The following HP1BP3 variants were observed in gnomAD, a reference collection of about 807,000 sequenced individuals.
The protein encoded by HP1BP3 is heterochromatin protein 1 binding protein 3.
A neutral mutation model predicts 62.5 loss-of-function variants in HP1BP3; 12 were observed. The observed-to-expected ratio is 0.19, with a 90% CI of 0.12 to 0.31. The LOEUF is 0.31. Among genes scored for constraint, HP1BP3 ranks in the 10% least tolerant of loss-of-function variants. The probability of loss-of-function intolerance (pLI) is 1.00; values close to 1 mark genes in which losing one functional copy is unlikely to be tolerated. For synonymous variants in HP1BP3, 260 were observed against 237.8 expected, an observed-to-expected ratio of 1.09 and a Z score of -0.86; for missense variants, 502 against 651.8, an observed-to-expected ratio of 0.77 and a Z score of 2.50.
In HP1BP3 at chr1:20,773,672, A is replaced by G. The variant is rs1570651739; in HGVS notation, c.351-62T>C. 8.6e-6 allele frequency: 10 copies of G among 1,164,016 alleles called. No homozygotes were observed. The East Asian group carries it at 2.2e-4, about 26-fold the overall frequency. The allele number at this position is 1,164,016 out of a possible 1,614,324, so 72.1% of individuals were successfully genotyped here. A position where few individuals can be genotyped will look rare whatever the true frequency, so the allele number is the denominator to read the frequency against. On this transcript the variant is annotated intron_variant, in intron 4 of 12. Transcript: ENST00000438032. ...TCTCTAGAAAGACGTATAAAGTCAG[A>G]AGGAGGAAAAGACCAGGGAGGGATA...
chr1:20,764,405 G>A (rs1021085589), intron 8 of HP1BP3, among the ~76,000 whole-genome samples: 13 of 151,382 alleles, frequency 8.6e-5, no homozygotes, highest in South Asian at 8.4e-4. Flanking sequence ...GTGCAATGGC[G>A]CAATCTCGGC....
At position 20,740,783 on chromosome 1, in the gene HP1BP3, G is replaced by A. The variant is rs760201726; in HGVS notation, c.*4014C>T. 2.0e-5 allele frequency among the ~76,000 whole-genome samples: 3 copies of A among 152,180 alleles called. No homozygotes were observed. Among genetic ancestry groups the A allele is most frequent in the South Asian group, 2.1e-4 (1 of 4,826 alleles). On this transcript the variant is annotated 3_prime_UTR_variant, in exon 13 of 13. Transcript: ENST00000438032. ...CAGTGAGCCAAGATCACACCACTGCGCTGCAGCCTTAGTGACACAGCAAAC... is the reference window on the plus strand; with the variant it reads ...CAGTGAGCCAAGATCACACCACTGCACTGCAGCCTTAGTGACACAGCAAAC...
intron 1 of HP1BP3, among the ~76,000 whole-genome samples, chr1:20,785,802 G>A (rs2057794818): frequency 6.6e-6 from 1 of 152,168 alleles, no homozygotes; most frequent in African/African-American, 2.4e-5. Flanking sequence ...CTTCTATTTT[G>A]AAACAAATTA....
intron 4 of HP1BP3, chr1:20,775,702 G>T: frequency 3.1e-6 from 1 of 324,382 alleles, no homozygotes; most frequent in Non-Finnish European, 5.5e-6. Context: ...CCTTTTCTAT[G>T]TTTAAATACA....
chr1:20,753,141 C>T (rs957217023), intron 9 of HP1BP3, among the ~76,000 whole-genome samples: 1 of 152,160 alleles, frequency 6.6e-6, no homozygotes, highest in South Asian at 2.1e-4. Context: ...TTGGGTTTCA[C>T]CATGTTAGCC....
intron 6 of HP1BP3, among the ~76,000 whole-genome samples, chr1:20,769,187 A>G (rs935978648): frequency 1.3e-5 from 2 of 152,144 alleles, no homozygotes; most frequent in Non-Finnish European, 2.9e-5. Context: ...CTCATAGCTC[A>G]ACTCAAGCGA....
chr1:20,778,654 G>A (rs2057405866), intron 3 of HP1BP3, among the ~76,000 whole-genome samples: 1 of 141,744 alleles, frequency 7.1e-6, no homozygotes. Context: ...CTTAGGCCAG[G>A]GTGCCCAAAT....
Position 20,743,825 on chromosome 1 carries a change from T to A in HP1BP3, c.*972A>T, listed in dbSNP as rs1004880822. The A allele has an allele frequency of 6.6e-6, 1 of 152,046 alleles. No individual in the cohort carries two copies. The highest frequency in any genetic ancestry group is 1.5e-5 in the Non-Finnish European group (1 of 68,090). The allele number at this position is 152,046 out of a possible 1,614,324, so 9.4% of individuals were successfully genotyped here. A position where few individuals can be genotyped will look rare whatever the true frequency, so the allele number is the denominator to read the frequency against. On this transcript the variant is annotated 3_prime_UTR_variant, in exon 13 of 13. Coordinates refer to ENST00000438032, the MANE Select transcript of HP1BP3 (RefSeq NM_001372052.1). ...GCTCACTCCTGTAATCCCAGCACTT[T>A]GGGAGGCCGAGGCAGGCGGATCACC...
chr1:20,771,142 A>G, intron 5 of HP1BP3, 69 bp from the exon 6 acceptor site: 1 of 1,329,258 alleles, frequency 7.5e-7, no homozygotes, highest in Non-Finnish European at 1.0e-6. Context: ...TTTCAAAATA[A>G]ATTATTTTGG....
chr1:20,762,078 C>T (rs1557653478), intron 8 of HP1BP3, among the ~76,000 whole-genome samples: 1 of 152,192 alleles, frequency 6.6e-6, no homozygotes, highest in East Asian at 1.9e-4. Context: ...TTTGGTGAAA[C>T]TGTATTTTTC....
At chr1:20,779,241 T>C (rs1278839751) in intron 3 of HP1BP3, among the ~76,000 whole-genome samples, 1 of 151,972 alleles carries the variant, frequency 6.6e-6, no homozygotes, top group Non-Finnish European at 1.5e-5. Context: ...AAAAAGATCA[T>C]GAGAAGAAAA....
chr1:20,751,414 T>C (rs1438531783), intron 9 of HP1BP3, among the ~76,000 whole-genome samples: 2 of 152,042 alleles, frequency 1.3e-5, no homozygotes, highest in Non-Finnish European at 2.9e-5. Flanking sequence ...AAAATAGCAG[T>C]GAAAAATTTT....
chr1:20,754,507 A>T (rs181992599), intron 9 of HP1BP3, among the ~76,000 whole-genome samples: 2 of 151,516 alleles, frequency 1.3e-5, no homozygotes, highest in Non-Finnish European at 2.9e-5. Flanking sequence ...ATTTGTATGG[A>T]ACTGTACAGG....
chr1:20,745,462 C>A, intron 12 of HP1BP3, 81 bp downstream of exon 12: 1 of 1,495,416 alleles, frequency 6.7e-7, no homozygotes, highest in Non-Finnish European at 8.9e-7. Flanking sequence ...TGCTTTTTAG[C>A]TTTAGCCCCT....
rs2154541462 is a variant in HP1BP3 at position 20,779,800 on chromosome 1, A to G, written c.196+12T>C. 6.3e-7 allele frequency: 1 copy of G among 1,590,506 alleles called. No homozygotes were observed. Among genetic ancestry groups the G allele is most frequent in the Admixed American group, 1.7e-5 (1 of 59,106 alleles). ...TTTTGATGTTTTAAGCTGTGTCACCATTTTACTTTACCTGGCTTTTCTTCC... is the reference window on the plus strand; with the variant it reads ...TTTTGATGTTTTAAGCTGTGTCACCGTTTTACTTTACCTGGCTTTTCTTCC... On this transcript the variant is annotated intron_variant, in intron 3 of 12. Transcript: ENST00000438032.
Position 20,754,568 on chromosome 1 carries a change from A to G in HP1BP3, c.981+2598T>C, listed in dbSNP as rs186123530. 4.6e-3 allele frequency among the ~76,000 whole-genome samples: 696 copies of G among 152,248 alleles called. 4 individuals carry two copies. Among genetic ancestry groups the G allele is most frequent in the African/African-American group, 0.016 (661 of 41,550 alleles). ...AAAAAGTTAGAGGGCTTATAATTCC[A>G]AATTTCAAAATTCACTATAAAGCTA... On this transcript the variant is annotated intron_variant, in intron 9 of 12. Coordinates refer to ENST00000438032, the MANE Select transcript of HP1BP3 (RefSeq NM_001372052.1).
intron 3 of HP1BP3, among the ~76,000 whole-genome samples, chr1:20,777,266 C>T (rs1358314989): frequency 6.8e-6 from 1 of 147,874 alleles, no homozygotes; most frequent in Non-Finnish European, 1.5e-5. Flanking sequence ...GCAGGGACTT[C>T]AGAGAACTCC....
intron 8 of HP1BP3, among the ~76,000 whole-genome samples, chr1:20,760,121 T>C (rs2056380056): frequency 6.6e-6 from 1 of 152,070 alleles, no homozygotes; most frequent in Non-Finnish European, 1.5e-5. Flanking sequence ...ACTCTTGACC[T>C]TGTGATCCAC....
At chr1:20,778,261 T>C (rs2057389685) in intron 3 of HP1BP3, among the ~76,000 whole-genome samples, 1 of 152,248 alleles carries the variant, frequency 6.6e-6, no homozygotes, top group Non-Finnish European at 1.5e-5. Flanking sequence ...TATAAGACTG[T>C]TTCCAACTCA....
Sources: gnomAD v4.1 joint callset for allele counts (sites outside exome capture counted in the v4.1 genomes callset) on GRCh38, gnomAD v4.1.1 for gene constraint, MANE v1.5 for transcripts, NCBI Gene and HGNC (gene_info 2026-07-23, HGNC 2026-07-21) for gene names.